NUDT7: variants seen among roughly 807,000 people sequenced by gnomAD.
The protein encoded by NUDT7 is peroxisomal coenzyme A diphosphatase NUDT7.
In NUDT7, 19 loss-of-function variants were observed where a neutral mutation model predicts 13.1. The observed-to-expected ratio is 1.45, with a 90% CI of 1.01 to 2.13. The LOEUF (loss-of-function observed/expected upper bound fraction) is 2.13, where lower values mean the gene tolerates loss of function less well. Among genes scored for constraint, NUDT7 ranks in the 30% most tolerant of loss-of-function variants. The pLI, the probability that NUDT7 is intolerant of heterozygous loss-of-function variation, is 0.00. For synonymous variants in NUDT7, 132 were observed against 109.7 expected (o/e 1.20, Z -1.27); for missense variants, 360 against 291.7 (o/e 1.23, Z -1.71).
At chr16:77,733,285 G>C (rs1283909717) in intron 2 of NUDT7, among the ~76,000 whole-genome samples, 5 of 152,192 alleles carry the variant, frequency 3.3e-5, no homozygotes, top group Non-Finnish European at 7.3e-5. Flanking sequence ...AGGCTGGGAA[G>C]TCCAAGATCA....
intron 2 of NUDT7, among the ~76,000 whole-genome samples, chr16:77,732,817 T>A (rs1306706829): frequency 6.7e-6 from 1 of 150,286 alleles, no homozygotes; most frequent in African/African-American, 2.5e-5. Context: ...ACAGGCATCA[T>A]ATCAGGTCTG....
chr16:77,739,156 C>A (rs894511269), intron 3 of NUDT7, among the ~76,000 whole-genome samples: 2 of 152,144 alleles, frequency 1.3e-5, no homozygotes, highest in Non-Finnish European at 2.9e-5. Flanking sequence ...GGGGCCTGAT[C>A]CAGACCCTAA....
intron 3 of NUDT7, among the ~76,000 whole-genome samples, chr16:77,741,289 C>T (rs2014651561): frequency 6.6e-6 from 1 of 152,134 alleles, no homozygotes; most frequent in African/African-American, 2.4e-5. Flanking sequence ...ATGCAATTCC[C>T]AGGTCAAAGC....
chr16:77,737,249 G>C (rs1430625675), intron 3 of NUDT7, among the ~76,000 whole-genome samples: 1 of 152,116 alleles, frequency 6.6e-6, no homozygotes, highest in Non-Finnish European at 1.5e-5. Flanking sequence ...GTATTTTGTG[G>C]TCATGTCTCC....
At chr16:77,738,602 G>T (rs1264426533) in intron 3 of NUDT7, among the ~76,000 whole-genome samples, 1 of 152,134 alleles carries the variant, frequency 6.6e-6, no homozygotes, top group Non-Finnish European at 1.5e-5. Context: ...GTGGAAGGGT[G>T]CTATTGGCTT....
At chr16:77,737,488 G>GTTTTTTTT (rs1452463596) in intron 3 of NUDT7, 2 of 146,428 alleles carry the variant, frequency 1.4e-5, no homozygotes, top group African/African-American at 5.1e-5. Flanking sequence ...TTTTTTTGTT[G>GTTTTTTTT]TTGTTGTTGT....
At chr16:77,739,939 C>G (rs1333850626) in intron 3 of NUDT7, among the ~76,000 whole-genome samples, 1 of 152,118 alleles carries the variant, frequency 6.6e-6, no homozygotes, top group African/African-American at 2.4e-5. Flanking sequence ...CCCATGGTGC[C>G]CTTGCCAGCC....
chr16:77,735,467 G>A (rs762383672), intron 2 of NUDT7: 1 of 662,704 alleles, frequency 1.5e-6, no homozygotes, highest in East Asian at 2.7e-5. Context: ...CAGAAGCCAA[G>A]CAGACGCCAG....
At chr16:77,740,763 G>C (rs11647350) in intron 3 of NUDT7, among the ~76,000 whole-genome samples, 61,281 of 151,570 alleles carry the variant, frequency 0.4, 14,739 homozygotes, top group Non-Finnish European at 0.55. Flanking sequence ...GGCTAGGCTG[G>C]TCTCAAACTC....
chr16:77,734,663 A>T (rs906275970), intron 2 of NUDT7, among the ~76,000 whole-genome samples: 1 of 152,158 alleles, frequency 6.6e-6, no homozygotes, highest in Non-Finnish European at 1.5e-5. Context: ...CCATCAATGC[A>T]TGAGTGGATA....
intron 2 of NUDT7, among the ~76,000 whole-genome samples, chr16:77,733,545 T>C (rs2014383807): frequency 6.6e-6 from 1 of 152,242 alleles, no homozygotes; most frequent in African/African-American, 2.4e-5. Context: ...ATTCAGGCCA[T>C]TGCAGGCATC....
At chr16:77,724,592 C>T (rs2014069241) in intron 1 of NUDT7, among the ~76,000 whole-genome samples, 2 of 152,262 alleles carry the variant, frequency 1.3e-5, no homozygotes, top group Admixed American at 1.3e-4. Flanking sequence ...CTTATCAGGA[C>T]AACAGTCATT....
At chr16:77,730,130 C>T (rs1253822921) in intron 2 of NUDT7, among the ~76,000 whole-genome samples, 1 of 152,346 alleles carries the variant, frequency 6.6e-6, no homozygotes, top group Admixed American at 6.5e-5. Flanking sequence ...TAGTCATCAT[C>T]TTTGCACTAA....
chr16:77,739,564 C>T (rs531048360), intron 3 of NUDT7, among the ~76,000 whole-genome samples: 1 of 152,216 alleles, frequency 6.6e-6, no homozygotes, highest in Non-Finnish European at 1.5e-5. Flanking sequence ...GTTTTGATGG[C>T]CTTCTTTACT....
At chr16:77,730,460 T>C (rs2014285878) in intron 2 of NUDT7, among the ~76,000 whole-genome samples, 1 of 152,208 alleles carries the variant, frequency 6.6e-6, no homozygotes, top group Non-Finnish European at 1.5e-5. Flanking sequence ...TCCTTCTTTT[T>C]TATGACTGAA....
chr16:77,726,711 C>T (rs190056743), intron 2 of NUDT7, among the ~76,000 whole-genome samples: 4 of 152,272 alleles, frequency 2.6e-5, no homozygotes, highest in Non-Finnish European at 4.4e-5. Flanking sequence ...GCAGGAGAAA[C>T]ACTTGAAACC....
intron 2 of NUDT7, among the ~76,000 whole-genome samples, chr16:77,729,795 A>G (rs140047093): frequency 0.1 from 15,858 of 152,186 alleles, 876 homozygotes; most frequent in East Asian, 0.15. Context: ...ACTGCACTCC[A>G]GCCTGGGCAA....
intron 2 of NUDT7, among the ~76,000 whole-genome samples, chr16:77,734,451 G>T (rs764678809): frequency 6.6e-6 from 1 of 152,060 alleles, no homozygotes; most frequent in Non-Finnish European, 1.5e-5. Context: ...GTGAAACCCC[G>T]TCTCTACTAA....
chr16:77,738,006 T>G (rs1426690082), intron 3 of NUDT7, among the ~76,000 whole-genome samples: 1 of 152,098 alleles, frequency 6.6e-6, no homozygotes, highest in Non-Finnish European at 1.5e-5. Context: ...AGGGTGGTTT[T>G]GTTTGCAAAA....
Sources: gnomAD v4.1 joint callset for allele counts (sites outside exome capture counted in the v4.1 genomes callset) on GRCh38, gnomAD v4.1.1 for gene constraint, MANE v1.5 for transcripts, NCBI Gene and HGNC (gene_info 2026-07-23, HGNC 2026-07-21) for gene names.